Variants in ELOB observed in about 807,000 individuals in gnomAD.
ELOB encodes elongin B, also known as elongin-B.
A neutral mutation model predicts 12.9 loss-of-function variants in ELOB; 3 were observed. That is an observed-to-expected ratio of 0.23 (90% confidence interval 0.11 to 0.60). The LOEUF (loss-of-function observed/expected upper bound fraction) is 0.60. Ranked by LOEUF, ELOB falls within the 20% of genes least tolerant of loss-of-function variation. ELOB has a pLI of 0.89. For synonymous variants in ELOB, 84 were observed against 67.4 expected (o/e 1.25, Z -1.21); for missense variants, 126 against 159.2 (o/e 0.79, Z 1.12).
intron 3 of ELOB, 184 bp from the exon 4 acceptor site, chr16:2,772,286 C>A: frequency 1.5e-6 from 1 of 652,806 alleles, no homozygotes; most frequent in Non-Finnish European, 2.3e-6. Context: ...ACGGTAATGT[C>A]TCCTACCCCT....
intron 3 of ELOB, among the ~76,000 whole-genome samples, chr16:2,772,692 C>A (rs922708073): frequency 1.3e-5 from 2 of 151,082 alleles, no homozygotes; most frequent in African/African-American, 4.9e-5. Flanking sequence ...CTGGGCGACA[C>A]AGACTCCATC....
intron 2 of ELOB, among the ~76,000 whole-genome samples, chr16:2,776,666 C>T (rs1028401130): frequency 1.3e-5 from 2 of 152,270 alleles, no homozygotes; most frequent in Admixed American, 6.5e-5. Flanking sequence ...AACCCTGGCG[C>T]TGCCAATGAC....
Position 2,771,876 on chromosome 16 carries a change from A to C in ELOB, c.*114T>G, listed in dbSNP as rs1262954250. On this transcript the variant is annotated 3_prime_UTR_variant, in exon 4 of 4. Coordinates refer to ENST00000409906, the MANE Select transcript of ELOB (RefSeq NM_007108.4). ...ACAGGAACTGCCAAGCACAAGCCCC[A>C]AAAGGAGCCCACAGGGAGTGGGACC... The C allele has an allele frequency of 2.7e-6, 4 of 1,472,798 alleles. No homozygotes were observed. The East Asian group carries it at 9.9e-5, about 37-fold the overall frequency. The allele number at this position is 1,472,798 out of a possible 1,614,324, so 91.2% of individuals were successfully genotyped here. A position where few individuals can be genotyped will look rare whatever the true frequency, so the allele number is the denominator to read the frequency against.
chr16:2,771,872 C>T lies in ELOB; in HGVS notation c.*118G>A. ...CAGCACAGGAACTGCCAAGCACAAG[C>T]CCCAAAAGGAGCCCACAGGGAGTGG... On this transcript the variant is annotated 3_prime_UTR_variant, in exon 4 of 4. Coordinates refer to ENST00000409906, the MANE Select transcript of ELOB (RefSeq NM_007108.4). 10 of 1,471,144 alleles carry T rather than the reference C, an allele frequency of 6.8e-6. No individual in the cohort carries two copies. The highest frequency in any genetic ancestry group is 9.0e-6 in the Non-Finnish European group (10 of 1,110,466). 91.1% of individuals were successfully genotyped at this position (1,471,144 alleles called of 1,614,324 possible).
chr16:2,771,908 A>G lies in ELOB; in HGVS notation c.*82T>C. 1 of 1,526,634 alleles carries G rather than the reference A, an allele frequency of 6.6e-7. No individual in the cohort carries two copies. Among genetic ancestry groups the G allele is most frequent in the South Asian group, 1.3e-5 (1 of 79,444 alleles). 94.6% of individuals were successfully genotyped at this position (1,526,634 alleles called of 1,614,324 possible). A position where few individuals can be genotyped will look rare whatever the true frequency, so the allele number is the denominator to read the frequency against. ...GCCCACAGGGAGTGGGACCCATCCC[A>G]GGGAGGGGCGGGAAAAAGAGGCAGC... On this transcript the variant is annotated 3_prime_UTR_variant, in exon 4 of 4. Transcript: ENST00000409906.
In ELOB at chr16:2,771,607, A is replaced by T. The variant is rs374236114; in HGVS notation, c.*383T>A. ...TCGTCTGGGAGTGGACATGCAGGCT[A>T]TGGGGGTGGGGGGCACTTAGAAGGA... On this transcript the variant is annotated 3_prime_UTR_variant, in exon 4 of 4. Transcript: ENST00000409906. 7 of 1,608,012 alleles carry T rather than the reference A, an allele frequency of 4.4e-6. No homozygotes were observed. Among genetic ancestry groups the T allele is most frequent in the Admixed American group, 3.3e-5 (2 of 59,844 alleles).
Position 2,771,588 on chromosome 16 carries a change from G to A in ELOB, c.*402C>T, listed in dbSNP as rs138405434. The A allele has an allele frequency of 3.1e-6, 5 of 1,614,176 alleles. No individual in the cohort carries two copies. Among genetic ancestry groups the A allele is most frequent in the Non-Finnish European group, 4.2e-6 (5 of 1,180,028 alleles). ...GTGTTTCTGCTCTTGGCCATCGTCT[G>A]GGAGTGGACATGCAGGCTATGGGGG... On this transcript the variant is annotated 3_prime_UTR_variant, in exon 4 of 4. Coordinates refer to ENST00000409906, the MANE Select transcript of ELOB (RefSeq NM_007108.4).
chr16:2,771,659 TC>T lies in ELOB; in HGVS notation c.*330del, dbSNP rs929923482. 2 of 1,610,534 alleles carry T rather than the reference TC, an allele frequency of 1.2e-6. No homozygotes were observed. Among genetic ancestry groups the T allele is most frequent in the African/African-American group, 2.7e-5 (2 of 74,964 alleles). ...AAAGGCCTAAAACTGGAATCTCTTG[TC>T]CCTGAGGCTGGCTCTGGTCTTTGTG... On this transcript the variant is annotated 3_prime_UTR_variant, in exon 4 of 4. Coordinates refer to ENST00000409906, the MANE Select transcript of ELOB (RefSeq NM_007108.4).
rs774259338 is a variant in ELOB at position 2,771,445 on chromosome 16, T to A, written c.*545A>T. 1 of 1,614,108 alleles carries A rather than the reference T, an allele frequency of 6.2e-7. No individual in the cohort carries two copies. Among genetic ancestry groups the A allele is most frequent in the Non-Finnish European group, 8.5e-7 (1 of 1,179,992 alleles). On this transcript the variant is annotated 3_prime_UTR_variant, in exon 4 of 4. Coordinates refer to ENST00000409906, the MANE Select transcript of ELOB (RefSeq NM_007108.4). ...TGTAGACTGTTTATTAAAGGTGTGT[T>A]AAGGGGGCAGCCACTTCCCTCCGTG...
At chr16:2,772,887 C>T (rs1334924064) in intron 3 of ELOB, among the ~76,000 whole-genome samples, 7 of 152,250 alleles carry the variant, frequency 4.6e-5, no homozygotes, top group South Asian at 2.1e-4. Context: ...CTCAGACCTT[C>T]GCACTTGCTG....
rs2068805278 is a variant in ELOB at position 2,777,011 on chromosome 16, G to C, written c.120C>G (p.Asp40Glu). Reference sequence around the variant, plus strand: ...GACCCACCTTGTACAGCCGCTGCTCGTCAGGAGGCCGCTTGAGGATGCCCT... The same window carrying C: ...GACCCACCTTGTACAGCCGCTGCTCCTCAGGAGGCCGCTTGAGGATGCCCT... ...IVEGILKRPP[D>E]EQRLYKDDQL... The change falls in exon 2 of 4, where the codon GAC (aspartate) becomes GAG (glutamate). Residue 40 changes from aspartate to glutamate, a missense_variant. Physicochemically the swap from Asp to Glu is conservative, Grantham distance 45 (BLOSUM62 2). Coordinates refer to ENST00000409906, the MANE Select transcript of ELOB (RefSeq NM_007108.4). The C allele has an allele frequency of 1.9e-6, 3 of 1,594,670 alleles. No individual in the cohort carries two copies. The highest frequency in any genetic ancestry group is 1.4e-5 in the African/African-American group (1 of 73,926).
rs2068756434 is a variant in ELOB at position 2,771,801 on chromosome 16, G to A, written c.*189C>T. The A allele has an allele frequency of 1.4e-6, 2 of 1,453,150 alleles. No homozygotes were observed. The highest frequency in any genetic ancestry group is 1.4e-5 in the African/African-American group (1 of 70,148). 90.0% of individuals were successfully genotyped at this position (1,453,150 alleles called of 1,614,324 possible). On this transcript the variant is annotated 3_prime_UTR_variant, in exon 4 of 4. Coordinates refer to ENST00000409906, the MANE Select transcript of ELOB (RefSeq NM_007108.4). ...TCCCCATGGTGCCTTTAAGCAGCAGGCTGGGCCAAGTTCTCAGCCAGGGTC... is the reference window on the plus strand; with the variant it reads ...TCCCCATGGTGCCTTTAAGCAGCAGACTGGGCCAAGTTCTCAGCCAGGGTC...
chr16:2,771,747 C>T lies in ELOB; in HGVS notation c.*243G>A, dbSNP rs1596301368. 2 of 1,516,754 alleles carry T rather than the reference C, an allele frequency of 1.3e-6. No individual in the cohort carries two copies. The highest frequency in any genetic ancestry group is 2.8e-5 in the African/African-American group (2 of 72,506). 94.0% of individuals were successfully genotyped at this position (1,516,754 alleles called of 1,614,324 possible). On this transcript the variant is annotated 3_prime_UTR_variant, in exon 4 of 4. Transcript: ENST00000409906. ...GTTGGTGTGGCTGGCTAGCTGCTAA[C>T]AATGGCTTGGGTCTCAGGGCAACCC...
chr16:2,773,300 G>A lies in ELOB; in HGVS notation c.245-1198C>T, dbSNP rs189413701. 6.8e-4 allele frequency among the ~76,000 whole-genome samples: 103 copies of A among 152,162 alleles called. No individual in the cohort carries two copies. In the East Asian group the frequency reaches 0.013, roughly 20 times the overall value. On this transcript the variant is annotated intron_variant, in intron 3 of 3. Transcript: ENST00000409906. ...TCTAGTGGGTAGAGGCCTGGGATAC[G>A]GCTCCACGTGCTATGGTGCACAAGG...
chr16:2,774,138 G>A (rs527264748), intron 3 of ELOB, among the ~76,000 whole-genome samples: 1 of 152,362 alleles, frequency 6.6e-6, no homozygotes, highest in East Asian at 1.9e-4. Context: ...ACTGAGGCAA[G>A]AGAATCGCTT....
At chr16:2,775,577 T>C (rs1596303156) in intron 2 of ELOB, 21 bp from the exon 3 acceptor site, 4 of 1,597,348 alleles carry the variant, frequency 2.5e-6, no homozygotes, top group Non-Finnish European at 3.4e-6. Flanking sequence ...AAGCAGGATC[T>C]TGGGAGAGGC....
At position 2,775,518 on chromosome 16, in the gene ELOB, C is replaced by T; in HGVS notation, c.177G>A (p.Glu59=). The T allele has an allele frequency of 1.2e-6, 2 of 1,609,500 alleles. No homozygotes were observed. Among genetic ancestry groups the T allele is most frequent in the East Asian group, 4.5e-5 (2 of 44,842 alleles). Residue 59 remains glutamate, a synonymous_variant, in exon 3 of 4, where the codon GAG becomes GAA. Transcript: ENST00000409906. ...QLLDDGKTLG[E]CGFTSQTARP... ...GTGCTGTTTGACTGGTGAAGCCACACTCGCCCAGTGTCTTGCCATCATCCA... is the reference window on the plus strand; with the variant it reads ...GTGCTGTTTGACTGGTGAAGCCACATTCGCCCAGTGTCTTGCCATCATCCA...
intron 2 of ELOB, among the ~76,000 whole-genome samples, chr16:2,776,754 C>G (rs574380114): frequency 3.3e-5 from 5 of 152,362 alleles, no homozygotes; most frequent in African/African-American, 1.2e-4. Flanking sequence ...GCAGGGGTTG[C>G]ATGCCACGGT....
At chr16:2,775,365 C>T in intron 3 of ELOB, 86 bp downstream of exon 3, 1 of 953,806 alleles carries the variant, frequency 1.0e-6, no homozygotes, top group Non-Finnish European at 1.5e-6. Flanking sequence ...AAGGCTTCAA[C>T]TCCAGGCTCC....
Sources: gnomAD v4.1 joint callset for allele counts (sites outside exome capture counted in the v4.1 genomes callset) on GRCh38, gnomAD v4.1.1 for gene constraint, MANE v1.5 for transcripts, NCBI Gene and HGNC (gene_info 2026-07-23, HGNC 2026-07-21) for gene names.